CYB5A: variants seen among roughly 807,000 people sequenced by gnomAD.
The protein encoded by CYB5A is cytochrome b5.
In CYB5A, 10 loss-of-function variants were observed where a neutral mutation model predicts 16.2. That is an observed-to-expected ratio of 0.62 (90% CI 0.38 to 1.04). The LOEUF (loss-of-function observed/expected upper bound fraction) is 1.04. CYB5A is among the 50% of genes least tolerant of loss of function. The probability of loss-of-function intolerance (pLI) is 0.01; values close to 1 mark genes in which losing one functional copy is unlikely to be tolerated. For missense variants in CYB5A, 161 were observed against 165.9 expected (o/e 0.97, Z 0.16); for synonymous variants, 62 against 57.0 (o/e 1.09, Z -0.40).
At chr18:74,283,871 A>G (rs985955809) in intron 1 of CYB5A, among the ~76,000 whole-genome samples, 1 of 152,132 alleles carries the variant, frequency 6.6e-6, no homozygotes, top group Admixed American at 6.5e-5. Context: ...AAATCTCCCT[A>G]AGACATACCG....
At chr18:74,291,062 G>A (rs1361370754) in intron 1 of CYB5A, 1 of 155,554 alleles carries the variant, frequency 6.4e-6, no homozygotes, top group Non-Finnish European at 1.4e-5. Context: ...GAACGCGAAC[G>A]CGAGTGGGTG....
chr18:74,276,245 C>A (rs1470324782), intron 1 of CYB5A, among the ~76,000 whole-genome samples: 1 of 152,112 alleles, frequency 6.6e-6, no homozygotes, highest in Non-Finnish European at 1.5e-5. Flanking sequence ...GAATGAAGCC[C>A]AGTGCCACAC....
intron 3 of CYB5A, chr18:74,259,562 A>C (rs1037375851): frequency 1.1e-4 from 17 of 152,186 alleles, no homozygotes; most frequent in Non-Finnish European, 1.8e-4. Flanking sequence ...TACACCTACA[A>C]GTGTTTTCTG....
rs1981836296 is a variant in CYB5A, at chr18:74,253,374, A to G, written c.*210T>C. On this transcript the variant is annotated 3_prime_UTR_variant, in exon 5 of 5. Transcript: ENST00000340533. ...ACACATTAAGGAAACATCAAAATAA[A>G]GTAGATGAATAAAAAGGCACACTCG... 6.2e-6 allele frequency: 3 copies of G among 483,348 alleles called. No individual in the cohort carries two copies. In the South Asian group the frequency reaches 6.2e-5, roughly 10 times the overall value. The allele number at this position is 483,348 out of a possible 1,614,324, so 29.9% of individuals were successfully genotyped here.
At chr18:74,266,715 A>C (rs920362591) in intron 1 of CYB5A, among the ~76,000 whole-genome samples, 1 of 147,078 alleles carries the variant, frequency 6.8e-6, no homozygotes. Flanking sequence ...TCTGGTTTTT[A>C]CCTTGCCTAA....
chr18:74,280,688 T>C (rs1360161647), intron 1 of CYB5A, among the ~76,000 whole-genome samples: 1 of 152,238 alleles, frequency 6.6e-6, no homozygotes, highest in African/African-American at 2.4e-5. Flanking sequence ...TGGTTATTGA[T>C]GTCCAGTTGT....
intron 3 of CYB5A, chr18:74,260,421 C>A: frequency 4.5e-6 from 1 of 220,594 alleles, no homozygotes; most frequent in Non-Finnish European, 9.1e-6. Flanking sequence ...TTTCCTTTCC[C>A]AAGGAAAAGT....
intron 1 of CYB5A, among the ~76,000 whole-genome samples, chr18:74,286,294 G>C (rs1266809966): frequency 2.6e-5 from 4 of 152,184 alleles, no homozygotes; most frequent in African/African-American, 9.7e-5. Context: ...ATGTTTAAAA[G>C]CTCCTGAAAT....
chr18:74,253,233 C>T lies in CYB5A; in HGVS notation c.*351G>A, dbSNP rs1165346578. 3.1e-6 allele frequency: 1 copy of T among 321,896 alleles called. No individual in the cohort carries two copies. The highest frequency in any genetic ancestry group is 4.6e-5 in the Admixed American group (1 of 21,524). The allele number at this position is 321,896 out of a possible 1,614,324, so 19.9% of individuals were successfully genotyped here. A position where few individuals can be genotyped will look rare whatever the true frequency, so the allele number is the denominator to read the frequency against. On this transcript the variant is annotated 3_prime_UTR_variant, in exon 5 of 5. Transcript: ENST00000340533. ...GGATGAGTAACACATTGAAGGAATC[C>T]TCTAAATAACCAGATTCTAAACATT... is the stretch of plus-strand genomic sequence containing the variant.
chr18:74,285,145 T>C (rs1983271692), intron 1 of CYB5A, among the ~76,000 whole-genome samples: 1 of 152,226 alleles, frequency 6.6e-6, no homozygotes, highest in Non-Finnish European at 1.5e-5. Flanking sequence ...TCTGTTCCTC[T>C]ATCCCCAAGC....
At chr18:74,256,843 CT>C in intron 3 of CYB5A, 2 of 1,614,022 alleles carry the variant, frequency 1.2e-6, no homozygotes, top group Non-Finnish European at 1.7e-6. Context: ...GAAACACCGC[CT>C]TTAAGGTTCC....
intron 1 of CYB5A, among the ~76,000 whole-genome samples, chr18:74,268,143 G>C (rs540295513): frequency 6.6e-6 from 1 of 152,376 alleles, no homozygotes; most frequent in Admixed American, 6.5e-5. Context: ...CCGCCTCGGG[G>C]AGTTCACAGC....
chr18:74,273,554 T>C (rs1230893514), intron 1 of CYB5A, among the ~76,000 whole-genome samples: 1 of 152,204 alleles, frequency 6.6e-6, no homozygotes, highest in East Asian at 1.9e-4. Flanking sequence ...TGACCTGCTG[T>C]GAAAAATCAA....
intron 1 of CYB5A, among the ~76,000 whole-genome samples, chr18:74,283,717 C>T (rs367928808): frequency 1.8e-4 from 27 of 152,290 alleles, no homozygotes; most frequent in African/African-American, 6.3e-4. Flanking sequence ...TTTAAAGCTA[C>T]GCTAGGTTCT....
chr18:74,289,741 A>G (rs1375510076), intron 1 of CYB5A, among the ~76,000 whole-genome samples: 2 of 146,668 alleles, frequency 1.4e-5, no homozygotes, highest in African/African-American at 5.1e-5. Context: ...ACACCATTGC[A>G]CTCCAGCCTG....
intron 1 of CYB5A, among the ~76,000 whole-genome samples, chr18:74,274,860 A>T (rs1263514936): frequency 6.6e-6 from 1 of 152,212 alleles, no homozygotes; most frequent in Non-Finnish European, 1.5e-5. Context: ...TCAAAGTCAA[A>T]GGTTAATAGT....
intron 1 of CYB5A, among the ~76,000 whole-genome samples, chr18:74,277,435 G>A (rs370322564): frequency 6.6e-6 from 1 of 152,124 alleles, no homozygotes; most frequent in Non-Finnish European, 1.5e-5. Context: ...AACTAAAGAG[G>A]CCCCTCTGGC....
At chr18:74,279,508 C>T (rs569947779) in intron 1 of CYB5A, among the ~76,000 whole-genome samples, 87 of 152,068 alleles carry the variant, frequency 5.7e-4, no homozygotes, top group Middle Eastern at 6.8e-3. Flanking sequence ...CCAGCCTGGG[C>T]GACAGAGTGA....
chr18:74,254,945 G>A (rs957028365), intron 4 of CYB5A, among the ~76,000 whole-genome samples: 5 of 152,166 alleles, frequency 3.3e-5, no homozygotes, highest in Non-Finnish European at 7.3e-5. Context: ...GTTTCATAGG[G>A]ACTACAAGTA....
Sources: allele counts gnomAD v4.1 joint callset (sites outside exome capture counted in the v4.1 genomes callset), GRCh38; gene constraint gnomAD v4.1.1; transcripts MANE v1.5; gene names NCBI Gene and HGNC (gene_info 2026-07-23, HGNC 2026-07-21).